Variants in JAZF1 observed in about 807,000 individuals in gnomAD.
JAZF1 encodes the protein JAZF zinc finger 1, also known as juxtaposed with another zinc finger protein 1.
Under a neutral mutation model 26.4 loss-of-function variants are expected in JAZF1, and 8 were observed. The ratio of observed to expected loss-of-function variants is 0.30; its 90% CI spans 0.18 to 0.55. The LOEUF is 0.55. JAZF1 is among the 20% of genes least tolerant of loss of function. JAZF1 has a pLI of 0.94. For synonymous variants in JAZF1, 126 were observed against 122.3 expected (o/e 1.03, Z -0.20); for missense variants, 199 against 322.0 (o/e 0.62, Z 2.92).
At chr7:27,836,684 T>G (rs1562757584) in intron 4 of JAZF1, among the ~76,000 whole-genome samples, 1 of 152,154 alleles carries the variant, frequency 6.6e-6, no homozygotes, top group African/African-American at 2.4e-5. Context: ...TGAAACCACT[T>G]GCAGCAGTGT....
intron 1 of JAZF1, among the ~76,000 whole-genome samples, chr7:28,173,945 G>A (rs1172897384): frequency 2.7e-5 from 4 of 147,698 alleles, no homozygotes; most frequent in Admixed American, 6.7e-5. Context: ...TGCTTACAGC[G>A]AGGGGAAAAT....
intron 3 of JAZF1, among the ~76,000 whole-genome samples, chr7:27,883,539 A>T (rs1020145989): frequency 3.3e-5 from 5 of 152,268 alleles, no homozygotes; most frequent in African/African-American, 1.2e-4. Flanking sequence ...TAGTACAGAT[A>T]TTAAATCTGA....
chr7:27,990,590 C>G (rs1785879811), intron 2 of JAZF1, among the ~76,000 whole-genome samples: 1 of 151,966 alleles, frequency 6.6e-6, no homozygotes, highest in Admixed American at 6.6e-5. Flanking sequence ...CATATTTTAC[C>G]CAAAGTGACA....
chr7:27,856,873 T>C (rs552765575), intron 3 of JAZF1, among the ~76,000 whole-genome samples: 1 of 152,364 alleles, frequency 6.6e-6, no homozygotes, highest in African/African-American at 2.4e-5. Flanking sequence ...ACACAGGTGC[T>C]GATTGTGTTT....
At chr7:28,075,459 T>C (rs138428731) in intron 1 of JAZF1, among the ~76,000 whole-genome samples, 44 of 152,034 alleles carry the variant, frequency 2.9e-4, no homozygotes, top group East Asian at 5.8e-4. Context: ...ATACAGAGAG[T>C]AAAAAAACTT....
chr7:27,920,279 A>C (rs1287166086), intron 2 of JAZF1, among the ~76,000 whole-genome samples: 1 of 152,224 alleles, frequency 6.6e-6, no homozygotes, highest in Non-Finnish European at 1.5e-5. Flanking sequence ...GCAGTAAATA[A>C]GTACAGAGTG....
rs151262891 is a variant in JAZF1, at chr7:28,028,444, A to G, written c.116-36463T>C. Among the ~76,000 whole-genome samples the G allele has an allele frequency of 5.9e-3, 900 of 152,344 alleles. 5 individuals are homozygous for G. The highest frequency in any genetic ancestry group is 0.021 in the African/African-American group (871 of 41,578). On this transcript the variant is annotated intron_variant, in intron 1 of 4. Coordinates refer to ENST00000283928, the MANE Select transcript of JAZF1 (RefSeq NM_175061.4). ...TAAGGGTCATGTAGCACTAAATACT[A>G]AATCAAACTTCTTGTGTCCATTGAA...
chr7:28,165,873 G>C (rs909033284), intron 1 of JAZF1, among the ~76,000 whole-genome samples: 1 of 152,196 alleles, frequency 6.6e-6, no homozygotes, highest in African/African-American at 2.4e-5. Flanking sequence ...CCATGAGCAT[G>C]AGGCTTTAAC....
At chr7:27,930,835 A>T (rs2189036) in intron 2 of JAZF1, among the ~76,000 whole-genome samples, 33,090 of 150,942 alleles carry the variant, frequency 0.22, 3,981 homozygotes, top group South Asian at 0.28. Flanking sequence ...ATTTTTTTTA[A>T]AAAAAAAAGG....
At chr7:27,903,204 C>T (rs113638976) in intron 2 of JAZF1, among the ~76,000 whole-genome samples, 12 of 152,148 alleles carry the variant, frequency 7.9e-5, no homozygotes, top group African/African-American at 2.9e-4. Flanking sequence ...ACTGATTCTG[C>T]AGGCATTAAT....
At chr7:28,008,105 C>G (rs1239659324) in intron 1 of JAZF1, among the ~76,000 whole-genome samples, 1 of 152,180 alleles carries the variant, frequency 6.6e-6, no homozygotes, top group Non-Finnish European at 1.5e-5. Flanking sequence ...CTATTTCTAG[C>G]TTAGAGCTTT....
intron 1 of JAZF1, among the ~76,000 whole-genome samples, chr7:28,160,221 G>A (rs970692133): frequency 4.6e-5 from 7 of 151,980 alleles, no homozygotes; most frequent in African/African-American, 1.5e-4. Flanking sequence ...GGATATGGGG[G>A]TACATAGTGA....
chr7:27,979,862 G>C (rs756371280), intron 2 of JAZF1, among the ~76,000 whole-genome samples: 3 of 152,072 alleles, frequency 2.0e-5, no homozygotes, highest in Non-Finnish European at 4.4e-5. Context: ...TGTTATGCTA[G>C]GGTTTGCCTT....
intron 2 of JAZF1, among the ~76,000 whole-genome samples, chr7:27,933,544 T>C (rs1233437223): frequency 6.6e-6 from 1 of 152,248 alleles, no homozygotes; most frequent in African/African-American, 2.4e-5. Context: ...GGCTATAGAT[T>C]TTCTTCTCTA....
At chr7:27,848,230 T>C (rs1024527417) in intron 3 of JAZF1, among the ~76,000 whole-genome samples, 2 of 152,232 alleles carry the variant, frequency 1.3e-5, no homozygotes, top group African/African-American at 4.8e-5. Context: ...TCTTCTTCAA[T>C]TTCCTTCATC....
intron 1 of JAZF1, among the ~76,000 whole-genome samples, chr7:28,135,388 G>T (rs1009552822): frequency 6.6e-6 from 1 of 152,136 alleles, no homozygotes; most frequent in Non-Finnish European, 1.5e-5. Context: ...ATATGTAAGG[G>T]TTGCTACATG....
intron 2 of JAZF1, among the ~76,000 whole-genome samples, chr7:27,897,800 C>CTGCACTGCTGCAAGGGTGCA (rs1784096611): frequency 8.5e-5 from 13 of 152,328 alleles, no homozygotes; most frequent in African/African-American, 2.9e-4. Flanking sequence ...TGAACAGACT[C>CTGCACTGCTGCAAGGGTGCA]CCACGTGCAC....
chr7:27,928,892 C>T (rs1163562973), intron 2 of JAZF1, among the ~76,000 whole-genome samples: 15 of 152,160 alleles, frequency 9.9e-5, no homozygotes, highest in Admixed American at 9.8e-4. Context: ...CCCCATGACA[C>T]TTTACCTATG....
intron 1 of JAZF1, among the ~76,000 whole-genome samples, chr7:28,009,514 C>T (rs186380276): frequency 0.033 from 5,009 of 149,904 alleles, 126 homozygotes; most frequent in Admixed American, 0.054. Context: ...GACAGAGTCT[C>T]GCTCTGTCGC....
Sources: gnomAD v4.1 joint callset for allele counts (sites outside exome capture counted in the v4.1 genomes callset) on GRCh38, gnomAD v4.1.1 for gene constraint, MANE v1.5 for transcripts, NCBI Gene and HGNC (gene_info 2026-07-23, HGNC 2026-07-21) for gene names.